The following AGBL4 variants were observed in gnomAD, a reference collection of about 807,000 sequenced individuals.
AGBL4 encodes the protein AGBL carboxypeptidase 4, also known as cytosolic carboxypeptidase 6.
AGBL4 carries 58 observed loss-of-function variants against 66.4 expected under a neutral mutation model. The ratio of observed to expected loss-of-function variants is 0.87; its 90% confidence interval spans 0.71 to 1.09. The LOEUF is 1.09. Among genes scored for constraint, AGBL4 ranks in the 50% least tolerant of loss-of-function variants. The probability of loss-of-function intolerance (pLI) is 0.00; values close to 1 mark genes in which losing one functional copy is unlikely to be tolerated. For missense variants in AGBL4, 579 were observed against 631.0 expected (o/e 0.92, Z 0.88); for synonymous variants, 234 against 222.9 (o/e 1.05, Z -0.44).
intron 4 of AGBL4, among the ~76,000 whole-genome samples, chr1:49,138,156 G>A (rs567329994): frequency 1.6e-4 from 25 of 152,128 alleles, no homozygotes; most frequent in Non-Finnish European, 2.9e-4. Flanking sequence ...AGAGCCAGAC[G>A]TTAGAGAGCC....
At chr1:49,166,627 C>T (rs1169231855) in intron 4 of AGBL4, among the ~76,000 whole-genome samples, 1 of 152,108 alleles carries the variant, frequency 6.6e-6, no homozygotes, top group East Asian at 1.9e-4. Context: ...TATTAAAGTC[C>T]ATAGGCAATA....
rs575883237 is a variant in AGBL4, at chr1:49,341,078, C to T, written c.283-95214G>A. ...TTAGGTGGACACATTCCTCCTTTTG[C>T]TTTCAGGAATGCCCTAATCTATGTA... On this transcript the variant is annotated intron_variant, in intron 3 of 13. Coordinates refer to ENST00000371839, the MANE Select transcript of AGBL4 (RefSeq NM_032785.4). Among the ~76,000 whole-genome samples the T allele has an allele frequency of 4.1e-4, 62 of 152,146 alleles. 1 individual carries two copies. The highest frequency in any genetic ancestry group is 2.1e-4 in the Non-Finnish European group (14 of 68,030).
intron 3 of AGBL4, among the ~76,000 whole-genome samples, chr1:49,629,137 A>G (rs1237326356): frequency 6.6e-6 from 1 of 152,220 alleles, no homozygotes; most frequent in Non-Finnish European, 1.5e-5. Context: ...ATCAAGCATT[A>G]TTGGAACACA....
At chr1:49,799,488 T>A (rs1644807658) in intron 2 of AGBL4, among the ~76,000 whole-genome samples, 1 of 152,160 alleles carries the variant, frequency 6.6e-6, no homozygotes, top group Admixed American at 6.6e-5. Flanking sequence ...GAAAGTTGTA[T>A]GCTAGTAATG....
intron 3 of AGBL4, among the ~76,000 whole-genome samples, chr1:49,685,779 A>G (rs1314823126): frequency 1.3e-5 from 2 of 152,102 alleles, no homozygotes; most frequent in Non-Finnish European, 1.5e-5. Context: ...TAAGTTCCTT[A>G]TAGATTCTGG....
chr1:49,549,051 T>G (rs907110344), intron 3 of AGBL4, among the ~76,000 whole-genome samples: 3 of 152,070 alleles, frequency 2.0e-5, no homozygotes, highest in Non-Finnish European at 4.4e-5. Context: ...TTTCCTAGTT[T>G]ATGCGCATAA....
chr1:48,851,945 C>T (rs1647042388), intron 6 of AGBL4, among the ~76,000 whole-genome samples: 1 of 149,006 alleles, frequency 6.7e-6, no homozygotes, highest in Admixed American at 6.7e-5. Context: ...TCTGTGGTGA[C>T]CATCCTCAGA....
intron 3 of AGBL4, among the ~76,000 whole-genome samples, chr1:49,585,564 G>T (rs1017769251): frequency 1.3e-5 from 2 of 152,030 alleles, no homozygotes; most frequent in Non-Finnish European, 2.9e-5. Context: ...CTTAGAAGAG[G>T]ATTCTTCCCT....
At chr1:49,171,580 G>C (rs1646739506) in intron 4 of AGBL4, among the ~76,000 whole-genome samples, 1 of 152,180 alleles carries the variant, frequency 6.6e-6, no homozygotes. Context: ...ACTATTAGAA[G>C]TGAAGGAACT....
At chr1:48,544,618 T>C (rs1016013957) in intron 11 of AGBL4, among the ~76,000 whole-genome samples, 1 of 152,120 alleles carries the variant, frequency 6.6e-6, no homozygotes, top group Non-Finnish European at 1.5e-5. Context: ...AACAGTGGGA[T>C]TTCTGAGGTG....
At chr1:49,003,661 C>T (rs1661562234) in intron 5 of AGBL4, among the ~76,000 whole-genome samples, 1 of 152,094 alleles carries the variant, frequency 6.6e-6, no homozygotes, top group African/African-American at 2.4e-5. Flanking sequence ...TACCTTTCCT[C>T]ACAGTTACTC....
intron 3 of AGBL4, among the ~76,000 whole-genome samples, chr1:49,639,118 AC>A (rs1645731861): frequency 6.6e-6 from 1 of 152,178 alleles, no homozygotes; most frequent in Non-Finnish European, 1.5e-5. Flanking sequence ...GAATGGAAAC[AC>A]ATCCCTGTGA....
intron 8 of AGBL4, among the ~76,000 whole-genome samples, chr1:48,636,471 T>G (rs574665369): frequency 3.3e-5 from 5 of 152,324 alleles, no homozygotes; most frequent in African/African-American, 9.6e-5. Flanking sequence ...GTAAATAACT[T>G]TCTCTAAGGT....
At chr1:48,832,901 G>A (rs973677778) in intron 6 of AGBL4, among the ~76,000 whole-genome samples, 2 of 152,122 alleles carry the variant, frequency 1.3e-5, no homozygotes, top group African/African-American at 4.8e-5. Flanking sequence ...CAGACCTTTG[G>A]ACTTGGATAA....
intron 2 of AGBL4, among the ~76,000 whole-genome samples, chr1:49,783,682 G>A (rs917730144): frequency 6.6e-6 from 1 of 151,986 alleles, no homozygotes. Context: ...GAAATAAAAG[G>A]CATTCACAGT....
At chr1:49,563,090 T>G (rs942851890) in intron 3 of AGBL4, among the ~76,000 whole-genome samples, 1 of 152,114 alleles carries the variant, frequency 6.6e-6, no homozygotes, top group Admixed American at 6.6e-5. Flanking sequence ...GGGAGTTCAC[T>G]CATGATTTGG....
At chr1:49,129,105 C>T (rs982927596) in intron 4 of AGBL4, among the ~76,000 whole-genome samples, 7 of 151,890 alleles carry the variant, frequency 4.6e-5, no homozygotes, top group African/African-American at 1.7e-4. Context: ...ATGAAAAATG[C>T]TTACTATCAT....
At chr1:49,282,282 T>C (rs1167696492) in intron 3 of AGBL4, among the ~76,000 whole-genome samples, 1 of 152,230 alleles carries the variant, frequency 6.6e-6, no homozygotes, top group South Asian at 2.1e-4. Flanking sequence ...TGTGTTGCTC[T>C]AAAGTCCATG....
chr1:49,068,628 C>T (rs980168533), intron 4 of AGBL4, among the ~76,000 whole-genome samples: 6 of 152,166 alleles, frequency 3.9e-5, no homozygotes, highest in African/African-American at 1.4e-4. Context: ...TCCAGTCTAT[C>T]ATTGATAGGC....
Sources: gnomAD v4.1 joint callset for allele counts (sites outside exome capture counted in the v4.1 genomes callset) on GRCh38, gnomAD v4.1.1 for gene constraint, MANE v1.5 for transcripts, NCBI Gene and HGNC (gene_info 2026-07-23, HGNC 2026-07-21) for gene names.